Variants in UXS1 observed in about 807,000 individuals in gnomAD.
The protein encoded by UXS1 is UDP-glucuronate decarboxylase 1.
In UXS1, 33 loss-of-function variants were observed where a neutral mutation model predicts 62.6. The ratio of observed to expected loss-of-function variants is 0.53; its 90% confidence interval spans 0.40 to 0.70. The LOEUF (loss-of-function observed/expected upper bound fraction) is 0.70, where lower values mean the gene tolerates loss of function less well. Among genes scored for constraint, UXS1 ranks in the 30% least tolerant of loss-of-function variants. UXS1 has a pLI of 0.00. For missense variants in UXS1, 434 were observed against 556.3 expected (o/e 0.78, Z 2.21); for synonymous variants, 213 against 206.8 (o/e 1.03, Z -0.26).
intron 10 of UXS1, among the ~76,000 whole-genome samples, chr2:106,106,472 G>A (rs937292612): frequency 6.6e-6 from 1 of 151,812 alleles, no homozygotes; most frequent in African/African-American, 2.4e-5. Flanking sequence ...ACATTTATAT[G>A]CCAATTCCAC....
intron 8 of UXS1, 150 bp downstream of exon 8, chr2:106,125,470 G>A: frequency 1.7e-6 from 1 of 604,324 alleles, no homozygotes; most frequent in Non-Finnish European, 2.5e-6. Context: ...GGAGCTTGGC[G>A]ACCCGGGAGG....
At position 106,112,554 on chromosome 2, in the gene UXS1, T is replaced by G. The variant is rs550123058; in HGVS notation, c.879+92A>C. On this transcript the variant is annotated intron_variant, in intron 10 of 14. Coordinates refer to ENST00000283148, the MANE Select transcript of UXS1 (RefSeq NM_001253875.2). ...TACATGGCAGCTTCAGAAGTGTCAC[T>G]CCCTGAACCAAGATGCACTTATCCC... The G allele has an allele frequency of 1.1e-4, 163 of 1,528,104 alleles. 1 individual carries two copies. In the South Asian group the frequency reaches 1.9e-3, roughly 18 times the overall value. The allele number at this position is 1,528,104 out of a possible 1,614,324, so 94.7% of individuals were successfully genotyped here. A position where few individuals can be genotyped will look rare whatever the true frequency, so the allele number is the denominator to read the frequency against.
At chr2:106,176,917 G>T (rs1277347428) in intron 1 of UXS1, among the ~76,000 whole-genome samples, 5 of 152,192 alleles carry the variant, frequency 3.3e-5, no homozygotes, top group African/African-American at 1.2e-4. Flanking sequence ...CAGCTGGCAG[G>T]CTCTGAAATC....
At chr2:106,146,830 A>C (rs1681617488) in intron 5 of UXS1, among the ~76,000 whole-genome samples, 1 of 147,534 alleles carries the variant, frequency 6.8e-6, no homozygotes, top group Non-Finnish European at 1.5e-5. Flanking sequence ...CAAAAATGGC[A>C]GAGGAGAAGT....
At chr2:106,118,014 C>A (rs1233442943) in intron 9 of UXS1, among the ~76,000 whole-genome samples, 1 of 152,180 alleles carries the variant, frequency 6.6e-6, no homozygotes, top group East Asian at 1.9e-4. Flanking sequence ...ATCAGCTGAC[C>A]TTCCTGAGGT....
intron 9 of UXS1, among the ~76,000 whole-genome samples, chr2:106,122,729 T>C (rs1159491107): frequency 2.0e-5 from 3 of 152,234 alleles, no homozygotes; most frequent in Non-Finnish European, 2.9e-5. Flanking sequence ...ATTCTGTTCA[T>C]AGCCATAAAA....
In UXS1 at chr2:106,194,273, C is replaced by A. The variant is rs771378958; in HGVS notation, c.-32G>T. 7 of 1,234,236 alleles carry A rather than the reference C, an allele frequency of 5.7e-6. No homozygotes were observed. The Middle Eastern group carries it at 9.0e-4, about 159-fold the overall frequency. 76.5% of individuals were successfully genotyped at this position (1,234,236 alleles called of 1,614,324 possible). A position where few individuals can be genotyped will look rare whatever the true frequency, so the allele number is the denominator to read the frequency against. On this transcript the variant is annotated 5_prime_UTR_variant, in exon 1 of 15. Coordinates refer to ENST00000283148, the MANE Select transcript of UXS1 (RefSeq NM_001253875.2). ...GAGCCGCGCGGGTCCAGGGCCCTAC[C>A]GCGCGGGGGCCCGCCTGCTGCACAA...
At chr2:106,180,783 G>A (rs887986480) in intron 1 of UXS1, among the ~76,000 whole-genome samples, 1 of 152,086 alleles carries the variant, frequency 6.6e-6, no homozygotes, top group Non-Finnish European at 1.5e-5. Flanking sequence ...AGCAAAAATG[G>A]ACTTTGATCC....
In UXS1 at chr2:106,115,566, C is replaced by T. The variant is rs187274262; in HGVS notation, c.760-2801G>A. ...GGAAGGTCAAGACAACTCCTACAAG[C>T]CTGAGCTGCACCAACATAGAACCAA... On this transcript the variant is annotated intron_variant, in intron 9 of 14. Transcript: ENST00000283148. 1.2e-3 allele frequency among the ~76,000 whole-genome samples: 180 copies of T among 152,284 alleles called. 1 individual carries two copies. The Middle Eastern group carries it at 0.017, about 14-fold the overall frequency.
chr2:106,098,877 C>T (rs1677349554), intron 12 of UXS1, 104 bp from the exon 13 acceptor site: 1 of 987,550 alleles, frequency 1.0e-6, no homozygotes, highest in South Asian at 1.4e-5. Context: ...CCGAGTCTGA[C>T]CTCCCTGCGC....
rs537407202 is a variant in UXS1, at chr2:106,181,307, T to C, written c.94+12841A>G. ...TGGAACCTCATCTCTCTCTGAAAAC[T>C]GCTAACAGGCCCCAGCTCCCGGCAC... is the stretch of plus-strand genomic sequence containing the variant. On this transcript the variant is annotated intron_variant, in intron 1 of 14. Coordinates refer to ENST00000283148, the MANE Select transcript of UXS1 (RefSeq NM_001253875.2). Among the ~76,000 whole-genome samples, 134 of 152,316 alleles carry C rather than the reference T, an allele frequency of 8.8e-4. 1 individual carries two copies. Among genetic ancestry groups the C allele is most frequent in the African/African-American group, 3.2e-3 (132 of 41,588 alleles).
chr2:106,188,777 G>A (rs916115355), intron 1 of UXS1, among the ~76,000 whole-genome samples: 1 of 152,174 alleles, frequency 6.6e-6, no homozygotes, highest in African/African-American at 2.4e-5. Flanking sequence ...CTTAAACATG[G>A]GCAGGCCATC....
At chr2:106,110,132 T>C (rs1678461576) in intron 10 of UXS1, among the ~76,000 whole-genome samples, 1 of 152,198 alleles carries the variant, frequency 6.6e-6, no homozygotes, top group Admixed American at 6.5e-5. Context: ...AATAGAATTC[T>C]GTGTGACAAA....
Position 106,145,535 on chromosome 2 carries a change from AC to A in UXS1, c.292-166del, listed in dbSNP as rs142480874. On this transcript the variant is annotated intron_variant, in intron 5 of 14. Coordinates refer to ENST00000283148, the MANE Select transcript of UXS1 (RefSeq NM_001253875.2). The stretch of plus-strand genomic sequence containing the variant: ...GTTTTAAGGTAGCATCTTGACTCTT[AC>A]TGCAGAACAAAGAGGTCATACTATC... 482 of 761,248 alleles carry A rather than the reference AC, an allele frequency of 6.3e-4. 5 individuals carry two copies. The East Asian group carries it at 0.014, about 22-fold the overall frequency. 47.2% of individuals were successfully genotyped at this position (761,248 alleles called of 1,614,324 possible). A position where few individuals can be genotyped will look rare whatever the true frequency, so the allele number is the denominator to read the frequency against.
chr2:106,105,386 C>T (rs141490903), intron 10 of UXS1, among the ~76,000 whole-genome samples: 2 of 89,652 alleles, frequency 2.2e-5, no homozygotes, highest in East Asian at 2.7e-4. Context: ...GAAAGTGATG[C>T]GGAGGTGGCA....
In UXS1 at chr2:106,156,671, A is replaced by T. The variant is rs115195260; in HGVS notation, c.291+1387T>A. On this transcript the variant is annotated intron_variant, in intron 5 of 14. Coordinates refer to ENST00000283148, the MANE Select transcript of UXS1 (RefSeq NM_001253875.2). The stretch of plus-strand genomic sequence containing the variant: ...CACATCCGCCTGTATACTTTAAATC[A>T]TCTCTAGATAATTATAATACCTAAT... Among the ~76,000 whole-genome samples the T allele has an allele frequency of 5.5e-3, 834 of 152,330 alleles. 12 individuals carry two copies. The highest frequency in any genetic ancestry group is 0.019 in the African/African-American group (802 of 41,566).
intron 6 of UXS1, chr2:106,138,035 C>T: frequency 3.1e-6 from 1 of 323,116 alleles, no homozygotes; most frequent in Non-Finnish European, 4.4e-6. Context: ...AATTATTCAT[C>T]ATTATCTTTA....
chr2:106,142,918 C>CATGT (rs1397489907), intron 6 of UXS1, among the ~76,000 whole-genome samples: 26 of 111,598 alleles, frequency 2.3e-4, no homozygotes, highest in African/African-American at 7.9e-4. Flanking sequence ...TGTGTGTTTG[C>CATGT]ATGTATGTGT....
chr2:106,130,895 G>A (rs1449097839), intron 6 of UXS1, among the ~76,000 whole-genome samples: 2 of 152,136 alleles, frequency 1.3e-5, no homozygotes, highest in Non-Finnish European at 2.9e-5. Flanking sequence ...AAGTCTGGGG[G>A]GGAGGAGCCA....
Sources: allele counts gnomAD v4.1 joint callset (sites outside exome capture counted in the v4.1 genomes callset), GRCh38; gene constraint gnomAD v4.1.1; transcripts MANE v1.5; gene names NCBI Gene and HGNC (gene_info 2026-07-23, HGNC 2026-07-21).